Variants in MALRD1 observed in about 807,000 individuals in gnomAD.
The protein encoded by MALRD1 is MAM and LDL-receptor class A domain-containing protein 1.
Under a neutral mutation model 242.1 loss-of-function variants are expected in MALRD1, and 247 were observed. The ratio of observed to expected loss-of-function variants is 1.02; its 90% CI spans 0.92 to 1.13. MALRD1 has a LOEUF of 1.13. Ranked by LOEUF, MALRD1 falls within the 50% of genes most tolerant of loss-of-function variation. The pLI, the probability that MALRD1 is intolerant of heterozygous loss-of-function variation, is 0.00. For missense variants in MALRD1, 2,989 were observed against 2,533.1 expected, an observed-to-expected ratio of 1.18 and a Z score of -3.86; for synonymous variants, 995 against 866.6, an observed-to-expected ratio of 1.15 and a Z score of -2.60.
intron 36 of MALRD1, among the ~76,000 whole-genome samples, chr10:19,634,831 A>G (rs769169772): frequency 6.6e-6 from 1 of 152,124 alleles, no homozygotes; most frequent in Non-Finnish European, 1.5e-5. Context: ...AACAACAACA[A>G]CAACAAAGCT....
rs200686402 is a variant in MALRD1 at position 19,647,522 on chromosome 10, TG to T, written c.6137+31601del. Among the ~76,000 whole-genome samples, 874 of 152,218 alleles carry T rather than the reference TG, an allele frequency of 5.7e-3. 9 individuals are homozygous for T. Among genetic ancestry groups the T allele is most frequent in the African/African-American group, 0.02 (838 of 41,538 alleles). On this transcript the variant is annotated intron_variant, in intron 36 of 39. Transcript: ENST00000454679. ...GTGATTTATTTTCTAAGGTGGAAAG[TG>T]GAACATACTTGGATCTGAAAGGGTC...
intron 19 of MALRD1, among the ~76,000 whole-genome samples, chr10:19,269,422 CT>C (rs1160182927): frequency 1.3e-5 from 2 of 152,224 alleles, no homozygotes; most frequent in Admixed American, 1.3e-4. Flanking sequence ...GAGTGTGATA[CT>C]TTAGAAAATA....
chr10:19,640,159 G>A (rs908844741), intron 36 of MALRD1, among the ~76,000 whole-genome samples: 3 of 151,856 alleles, frequency 2.0e-5, no homozygotes, highest in East Asian at 1.9e-4. Context: ...GCCCTGTCTC[G>A]GCTCATTGCA....
At chr10:19,214,783 C>A (rs1837234272) in intron 18 of MALRD1, among the ~76,000 whole-genome samples, 1 of 152,076 alleles carries the variant, frequency 6.6e-6, no homozygotes, top group Non-Finnish European at 1.5e-5. Flanking sequence ...CAGAAGGAGC[C>A]AAATCAGAGC....
chr10:19,229,417 T>A (rs1591328), intron 18 of MALRD1, among the ~76,000 whole-genome samples: 2,326 of 152,222 alleles, frequency 0.015, 55 homozygotes, highest in African/African-American at 0.054. Flanking sequence ...GAGTTCCATT[T>A]CGTTAATTTA....
At chr10:19,173,083 C>T (rs913564214) in intron 13 of MALRD1, among the ~76,000 whole-genome samples, 1 of 151,926 alleles carries the variant, frequency 6.6e-6, no homozygotes, top group Admixed American at 6.6e-5. Context: ...CCCTTATCAC[C>T]CACCATAGAT....
intron 28 of MALRD1, among the ~76,000 whole-genome samples, chr10:19,398,047 A>G (rs1204124263): frequency 6.6e-6 from 1 of 151,872 alleles, no homozygotes. Context: ...AGTTCCTTAT[A>G]TATTCTGGAT....
At chr10:19,669,970 G>A (rs760751703) in intron 36 of MALRD1, among the ~76,000 whole-genome samples, 93 of 152,008 alleles carry the variant, frequency 6.1e-4, no homozygotes, top group Non-Finnish European at 1.1e-3. Context: ...CAAATTCTTC[G>A]TCATCAGAGC....
At chr10:19,148,940 G>A (rs1214863848) in intron 11 of MALRD1, among the ~76,000 whole-genome samples, 1 of 151,498 alleles carries the variant, frequency 6.6e-6, no homozygotes, top group Non-Finnish European at 1.5e-5. Flanking sequence ...GGAAGGGAAA[G>A]GAAAGTGAAA....
Position 19,512,811 on chromosome 10 carries a change from T to C in MALRD1, c.5320+14165T>C, listed in dbSNP as rs554051378. On this transcript the variant is annotated intron_variant, in intron 31 of 39. Coordinates refer to ENST00000454679, the MANE Select transcript of MALRD1 (RefSeq NM_001142308.3). The stretch of plus-strand genomic sequence containing the variant: ...AACCATTTTAGCAATTTTAGACTAG[T>C]CACTCCAAGATTTTTTTTTCATAAT... Among the ~76,000 whole-genome samples the C allele has an allele frequency of 2.6e-5, 4 of 152,288 alleles. No individual in the cohort carries two copies. In the South Asian group the frequency reaches 8.3e-4, roughly 32 times the overall value.
intron 21 of MALRD1, among the ~76,000 whole-genome samples, chr10:19,319,364 T>C (rs1357490608): frequency 2.0e-5 from 3 of 152,134 alleles, no homozygotes; most frequent in Admixed American, 6.6e-5. Context: ...ACTTATTCAG[T>C]TCATTTATAA....
At chr10:19,696,801 A>C (rs759114851) in intron 38 of MALRD1, among the ~76,000 whole-genome samples, 1 of 151,994 alleles carries the variant, frequency 6.6e-6, no homozygotes, top group Non-Finnish European at 1.5e-5. Flanking sequence ...CTGTAATCCC[A>C]GCTGCTTGGG....
At chr10:19,080,364 A>G (rs917146090) in intron 2 of MALRD1, among the ~76,000 whole-genome samples, 6 of 152,060 alleles carry the variant, frequency 3.9e-5, no homozygotes, top group Non-Finnish European at 7.4e-5. Context: ...CCAACTTCAA[A>G]CTATACTACA....
At chr10:19,692,612 A>C in intron 38 of MALRD1, 58 bp downstream of exon 38, 1 of 1,351,056 alleles carries the variant, frequency 7.4e-7, no homozygotes, top group Non-Finnish European at 1.0e-6. Flanking sequence ...ATTTTCTTCA[A>C]CATTTCCTTT....
intron 28 of MALRD1, among the ~76,000 whole-genome samples, chr10:19,393,781 A>G (rs1265481364): frequency 6.6e-6 from 1 of 152,052 alleles, no homozygotes; most frequent in Admixed American, 6.6e-5. Flanking sequence ...ATGATGAGTA[A>G]TATGTATACA....
At chr10:19,525,031 A>G (rs2131328593) in intron 31 of MALRD1, among the ~76,000 whole-genome samples, 1 of 151,854 alleles carries the variant, frequency 6.6e-6, no homozygotes, top group African/African-American at 2.4e-5. Flanking sequence ...CAGCCTCCCA[A>G]GTAGCTGGGA....
At chr10:19,495,442 CA>C (rs1222047826) in intron 30 of MALRD1, among the ~76,000 whole-genome samples, 1 of 147,382 alleles carries the variant, frequency 6.8e-6, no homozygotes, top group Non-Finnish European at 1.5e-5. Context: ...CTATATTCAA[CA>C]TTCTAAAAAA....
chr10:19,325,785 AGCATATTT>A (rs1469862764), intron 22 of MALRD1, among the ~76,000 whole-genome samples: 3 of 152,080 alleles, frequency 2.0e-5, no homozygotes, highest in African/African-American at 7.2e-5. Context: ...AGAAATCTCT[AGCATATTT>A]GCAACAAGAT....
chr10:19,243,209 C>T (rs72796405), intron 18 of MALRD1, among the ~76,000 whole-genome samples: 10 of 151,532 alleles, frequency 6.6e-5, no homozygotes, highest in Non-Finnish European at 1.5e-4. Context: ...GACTTCTCCC[C>T]CGCCACACAC....
Sources: allele counts gnomAD v4.1 joint callset (sites outside exome capture counted in the v4.1 genomes callset), GRCh38; gene constraint gnomAD v4.1.1; transcripts MANE v1.5; gene names NCBI Gene and HGNC (gene_info 2026-07-23, HGNC 2026-07-21).